SLC13A1: variants seen among roughly 807,000 people sequenced by gnomAD.
SLC13A1 encodes Na(+)/sulfate cotransporter.
A neutral mutation model predicts 70.0 loss-of-function variants in SLC13A1; 65 were observed. The observed-to-expected ratio is 0.93, with a 90% CI of 0.76 to 1.14. The LOEUF is 1.14. Ranked by LOEUF, SLC13A1 falls within the 50% of genes most tolerant of loss-of-function variation. The pLI, the probability that SLC13A1 is intolerant of heterozygous loss-of-function variation, is 0.00. For synonymous variants in SLC13A1, 275 were observed against 250.5 expected, an observed-to-expected ratio of 1.10 and a Z score of -0.92; for missense variants, 726 against 717.8, an observed-to-expected ratio of 1.01 and a Z score of -0.13.
At chr7:123,174,893 G>C (rs1288529859) in intron 2 of SLC13A1, among the ~76,000 whole-genome samples, 1 of 151,572 alleles carries the variant, frequency 6.6e-6, no homozygotes, top group African/African-American at 2.4e-5. Flanking sequence ...TGCTTGTCTT[G>C]GATACTTCTA....
chr7:123,133,903 T>A (rs1388132751), intron 8 of SLC13A1, among the ~76,000 whole-genome samples: 1 of 152,060 alleles, frequency 6.6e-6, no homozygotes, highest in East Asian at 1.9e-4. Flanking sequence ...AGTGGTGTGA[T>A]CTCAGCTCAC....
chr7:123,127,530 C>T (rs1161830922), intron 10 of SLC13A1, among the ~76,000 whole-genome samples: 1 of 151,950 alleles, frequency 6.6e-6, no homozygotes, highest in Non-Finnish European at 1.5e-5. Context: ...CACAAAACCA[C>T]AAAATATTAA....
intron 6 of SLC13A1, among the ~76,000 whole-genome samples, chr7:123,164,833 G>A (rs995488582): frequency 6.6e-6 from 1 of 151,194 alleles, no homozygotes; most frequent in Non-Finnish European, 1.5e-5. Flanking sequence ...AATCAGAGCT[G>A]AACTGAAGGA....
intron 10 of SLC13A1, among the ~76,000 whole-genome samples, chr7:123,128,388 C>T (rs987541033): frequency 1.3e-5 from 2 of 152,066 alleles, no homozygotes; most frequent in African/African-American, 2.4e-5. Flanking sequence ...AAGTCCAGCA[C>T]TATTGTAAAT....
At chr7:123,143,499 A>G (rs905032076) in intron 7 of SLC13A1, among the ~76,000 whole-genome samples, 15 of 152,194 alleles carry the variant, frequency 9.9e-5, no homozygotes, top group African/African-American at 3.1e-4. Context: ...TCTTTCTGCT[A>G]TGACAGGACA....
chr7:123,125,920 G>A (rs533627231), intron 10 of SLC13A1, among the ~76,000 whole-genome samples: 114 of 152,070 alleles, frequency 7.5e-4, no homozygotes, highest in Non-Finnish European at 1.2e-3. Flanking sequence ...TCAATACCAC[G>A]TATACACATG....
chr7:123,129,869 A>G (rs1180444397), intron 8 of SLC13A1, among the ~76,000 whole-genome samples: 3 of 152,140 alleles, frequency 2.0e-5, no homozygotes, highest in Non-Finnish European at 2.9e-5. Flanking sequence ...TTTATTGTGT[A>G]TCTTGGTTGT....
chr7:123,165,500 C>T (rs951666906), intron 6 of SLC13A1, among the ~76,000 whole-genome samples: 2 of 152,106 alleles, frequency 1.3e-5, no homozygotes, highest in Admixed American at 6.6e-5. Flanking sequence ...GGAGGCATCT[C>T]CTACATTTTT....
chr7:123,168,500 T>A lies in SLC13A1; in HGVS notation c.611+4A>T. On this transcript the variant is annotated splice_donor_region_variant and intron_variant, in intron 5 of 14. Transcript: ENST00000194130. Reference sequence around the variant, plus strand: ...ATCCCAATCAAAATGTCAGTATTCCTTACCCTGGAACTGGTTTTGTTTTCT... The same window carrying A: ...ATCCCAATCAAAATGTCAGTATTCCATACCCTGGAACTGGTTTTGTTTTCT... The A allele has an allele frequency of 6.2e-7, 1 of 1,608,942 alleles. No individual in the cohort carries two copies. Among genetic ancestry groups the A allele is most frequent in the South Asian group, 1.1e-5 (1 of 90,344 alleles).
chr7:123,152,354 T>C (rs1794584504), intron 6 of SLC13A1, among the ~76,000 whole-genome samples: 1 of 152,084 alleles, frequency 6.6e-6, no homozygotes, highest in South Asian at 2.1e-4. Context: ...ATTTTGGGGG[T>C]ACATATATCC....
chr7:123,124,599 C>T (rs2116284981), intron 11 of SLC13A1, among the ~76,000 whole-genome samples: 1 of 152,212 alleles, frequency 6.6e-6, no homozygotes, highest in South Asian at 2.1e-4. Flanking sequence ...AGTTGTCCCA[C>T]ATTGACAAGA....
intron 3 of SLC13A1, among the ~76,000 whole-genome samples, chr7:123,170,415 TA>T (rs1795229238): frequency 6.6e-6 from 1 of 152,184 alleles, no homozygotes; most frequent in South Asian, 2.1e-4. Flanking sequence ...CAGGATCAGA[TA>T]AAGCTTCTGG....
At chr7:123,152,465 C>T (rs925062370) in intron 6 of SLC13A1, among the ~76,000 whole-genome samples, 1 of 151,926 alleles carries the variant, frequency 6.6e-6, no homozygotes, top group Non-Finnish European at 1.5e-5. Flanking sequence ...ATTTACATTG[C>T]TAGTAACATT....
chr7:123,138,803 T>G (rs1794037984), intron 7 of SLC13A1, among the ~76,000 whole-genome samples: 1 of 152,202 alleles, frequency 6.6e-6, no homozygotes, highest in South Asian at 2.1e-4. Flanking sequence ...TCCTTATATA[T>G]TTTGGTTATT....
intron 2 of SLC13A1, among the ~76,000 whole-genome samples, chr7:123,177,134 C>G (rs546024338): frequency 5.9e-5 from 9 of 152,088 alleles, no homozygotes; most frequent in Admixed American, 1.3e-4. Context: ...CTAGAGTAAG[C>G]CTGCACTTCC....
chr7:123,174,604 T>C (rs1795387962), intron 2 of SLC13A1, among the ~76,000 whole-genome samples: 1 of 152,132 alleles, frequency 6.6e-6, no homozygotes. Flanking sequence ...TCTGATCCAC[T>C]CCATACCATT....
At chr7:123,167,201 C>T (rs1013606253) in intron 6 of SLC13A1, among the ~76,000 whole-genome samples, 1 of 152,124 alleles carries the variant, frequency 6.6e-6, no homozygotes, top group South Asian at 2.1e-4. Flanking sequence ...TGGGTATATA[C>T]CCAAAGGATT....
chr7:123,194,586 A>G (rs1263324419), intron 1 of SLC13A1, among the ~76,000 whole-genome samples: 2 of 152,044 alleles, frequency 1.3e-5, no homozygotes, highest in East Asian at 3.9e-4. Flanking sequence ...ACTGTAGGGG[A>G]AAGTGTGTAA....
At chr7:123,146,929 C>T (rs28364198) in intron 7 of SLC13A1, among the ~76,000 whole-genome samples, 98 of 152,226 alleles carry the variant, frequency 6.4e-4, no homozygotes, top group African/African-American at 2.3e-3. Flanking sequence ...CAAGAGTTAT[C>T]CCCTCTGAGC....
Sources: allele counts gnomAD v4.1 joint callset (sites outside exome capture counted in the v4.1 genomes callset), GRCh38; gene constraint gnomAD v4.1.1; transcripts MANE v1.5; gene names NCBI Gene and HGNC (gene_info 2026-07-23, HGNC 2026-07-21).